Variants in RGS17 observed in about 807,000 individuals in gnomAD.
The protein encoded by RGS17 is regulator of G protein signaling 17.
Under a neutral mutation model 25.5 loss-of-function variants are expected in RGS17, and 12 were observed. That is an observed-to-expected ratio of 0.47 (90% CI 0.30 to 0.76). The LOEUF is 0.76. Ranked by LOEUF, RGS17 falls within the 30% of genes least tolerant of loss-of-function variation. RGS17 has a pLI of 0.07. For missense variants in RGS17, 196 were observed against 242.2 expected, an observed-to-expected ratio of 0.81 and a Z score of 1.27; for synonymous variants, 71 against 76.9, an observed-to-expected ratio of 0.92 and a Z score of 0.40.
At chr6:153,067,793 G>T (rs1776731275) in intron 1 of RGS17, among the ~76,000 whole-genome samples, 1 of 152,128 alleles carries the variant, frequency 6.6e-6, no homozygotes. Context: ...ATTTCTCAGA[G>T]AAATAGTAAA....
chr6:153,011,352 T>C lies in RGS17; in HGVS notation c.*222A>G. The C allele has an allele frequency of 1.9e-6, 1 of 521,274 alleles. No homozygotes were observed. The highest frequency in any genetic ancestry group is 3.4e-6 in the Non-Finnish European group (1 of 295,688). The allele number at this position is 521,274 out of a possible 1,614,324, so 32.3% of individuals were successfully genotyped here. A position where few individuals can be genotyped will look rare whatever the true frequency, so the allele number is the denominator to read the frequency against. On this transcript the variant is annotated 3_prime_UTR_variant, in exon 5 of 5. Coordinates refer to ENST00000206262, the MANE Select transcript of RGS17 (RefSeq NM_012419.5). ...GCTTGCAAGTAGAATGAGTCTTGAA[T>C]AAAACAAACAATTTGGCAATTCATT... is the stretch of plus-strand genomic sequence containing the variant.
rs528458620 is a variant in RGS17 at position 153,110,793 on chromosome 6, G to A, written c.-26+20331C>T. ...GGGTGCAGCCCACAGAGGGCGAGCCGAAGCAGGATAGGGCATCGTCTCACC... is the reference window on the plus strand; with the variant it reads ...GGGTGCAGCCCACAGAGGGCGAGCCAAAGCAGGATAGGGCATCGTCTCACC... On this transcript the variant is annotated intron_variant, in intron 1 of 4. Transcript: ENST00000206262. Among the ~76,000 whole-genome samples, 29 of 152,320 alleles carry A rather than the reference G, an allele frequency of 1.9e-4. No individual in the cohort carries two copies. The South Asian group carries it at 5.0e-3, about 26-fold the overall frequency.
chr6:153,085,997 T>C (rs563233915), intron 1 of RGS17, among the ~76,000 whole-genome samples: 1 of 152,320 alleles, frequency 6.6e-6, no homozygotes, highest in Admixed American at 6.5e-5. Context: ...GGATCATATT[T>C]ATCTGTGTAT....
intron 1 of RGS17, among the ~76,000 whole-genome samples, chr6:153,121,667 G>A (rs1337667636): frequency 6.6e-6 from 1 of 152,072 alleles, no homozygotes; most frequent in East Asian, 1.9e-4. Context: ...CTGTTATTTT[G>A]AAACAAGACA....
chr6:153,110,736 C>A (rs1398679637), intron 1 of RGS17, among the ~76,000 whole-genome samples: 1 of 152,220 alleles, frequency 6.6e-6, no homozygotes, highest in African/African-American at 2.4e-5. Flanking sequence ...ACTGAGGTAC[C>A]CAGCTCATCT....
intron 1 of RGS17, among the ~76,000 whole-genome samples, chr6:153,092,735 TG>T (rs1051673204): frequency 1.3e-5 from 2 of 152,236 alleles, no homozygotes; most frequent in African/African-American, 4.8e-5. Flanking sequence ...GTGAATGTTT[TG>T]GAATTATACA....
Position 153,042,064 on chromosome 6 carries a change from C to G in RGS17, c.119+1836G>C, listed in dbSNP as rs149116914. Among the ~76,000 whole-genome samples, 275 of 152,212 alleles carry G rather than the reference C, an allele frequency of 1.8e-3. 2 individuals carry two copies. The highest frequency in any genetic ancestry group is 6.4e-3 in the African/African-American group (265 of 41,526). On this transcript the variant is annotated intron_variant, in intron 2 of 4. Coordinates refer to ENST00000206262, the MANE Select transcript of RGS17 (RefSeq NM_012419.5). ...GATGGGTGAGGATAAGATTTGAACC[C>G]CGGCAGTCTGACTTCAGAACCACTA...
At chr6:153,126,281 T>C (rs1279964310) in intron 1 of RGS17, among the ~76,000 whole-genome samples, 1 of 152,166 alleles carries the variant, frequency 6.6e-6, no homozygotes, top group Non-Finnish European at 1.5e-5. Flanking sequence ...TCCACGACTA[T>C]CTGGGAACTC....
intron 1 of RGS17, among the ~76,000 whole-genome samples, chr6:153,112,822 T>C (rs530911447): frequency 6.6e-6 from 1 of 152,240 alleles, no homozygotes; most frequent in East Asian, 1.9e-4. Flanking sequence ...CCAGCAAAAC[T>C]AAGCTTCATA....
intron 1 of RGS17, among the ~76,000 whole-genome samples, chr6:153,079,188 C>T (rs1776933029): frequency 6.6e-6 from 1 of 152,068 alleles, no homozygotes; most frequent in Non-Finnish European, 1.5e-5. Context: ...AGCAATTCTC[C>T]TGCCTCAGCC....
intron 4 of RGS17, among the ~76,000 whole-genome samples, chr6:153,017,048 T>C (rs1773762991): frequency 6.6e-6 from 1 of 152,230 alleles, no homozygotes; most frequent in African/African-American, 2.4e-5. Flanking sequence ...GGGCAATGCA[T>C]GTCTCCTCTT....
At chr6:153,024,786 A>G (rs1562314200) in intron 3 of RGS17, among the ~76,000 whole-genome samples, 1 of 152,196 alleles carries the variant, frequency 6.6e-6, no homozygotes, top group Non-Finnish European at 1.5e-5. Context: ...TACATTCCTA[A>G]TGAAGCTTGG....
chr6:153,067,812 T>C (rs1776731568), intron 1 of RGS17, among the ~76,000 whole-genome samples: 1 of 152,164 alleles, frequency 6.6e-6, no homozygotes, highest in Non-Finnish European at 1.5e-5. Context: ...AAAGCTATCT[T>C]AAAATTTATA....
chr6:153,096,454 T>G (rs970699946), intron 1 of RGS17, among the ~76,000 whole-genome samples: 2 of 152,224 alleles, frequency 1.3e-5, no homozygotes, highest in Non-Finnish European at 2.9e-5. Context: ...TAAGCATTAG[T>G]GGCTGCAGAT....
intron 2 of RGS17, among the ~76,000 whole-genome samples, chr6:153,031,884 T>C (rs1345490724): frequency 6.6e-6 from 1 of 152,096 alleles, no homozygotes; most frequent in African/African-American, 2.4e-5. Flanking sequence ...GAATTTGAGA[T>C]GAACAAAAAG....
At chr6:153,075,740 T>C (rs9397585) in intron 1 of RGS17, among the ~76,000 whole-genome samples, 63,709 of 151,936 alleles carry the variant, frequency 0.42, 13,845 homozygotes, top group East Asian at 0.7. Context: ...TAAACTGATA[T>C]CGAGTAATTT....
intron 1 of RGS17, among the ~76,000 whole-genome samples, chr6:153,062,380 G>A (rs1776651627): frequency 6.6e-6 from 1 of 152,244 alleles, no homozygotes; most frequent in Middle Eastern, 3.4e-3. Context: ...TACTGTTAGA[G>A]AAGAAGGGAA....
In RGS17 at chr6:153,077,866, C is replaced by T. The variant is rs145313743; in HGVS notation, c.-25-33823G>A. Among the ~76,000 whole-genome samples the T allele has an allele frequency of 6.5e-3, 906 of 139,372 alleles. 13 individuals carry two copies. Among genetic ancestry groups the T allele is most frequent in the African/African-American group, 0.023 (866 of 37,480 alleles). The allele number at this position is 139,372 out of a possible 152,430, so 91.4% of individuals were successfully genotyped here. A position where few individuals can be genotyped will look rare whatever the true frequency, so the allele number is the denominator to read the frequency against. On this transcript the variant is annotated intron_variant, in intron 1 of 4. Coordinates refer to ENST00000206262, the MANE Select transcript of RGS17 (RefSeq NM_012419.5). ...GTCTCTAATGTGAGCAAATGACTTA[C>T]AGTATCTTTTTTATTTTTTTTTTTT... is the stretch of plus-strand genomic sequence containing the variant.
At chr6:153,035,108 C>G (rs1025656529) in intron 2 of RGS17, among the ~76,000 whole-genome samples, 5 of 151,270 alleles carry the variant, frequency 3.3e-5, no homozygotes, top group African/African-American at 9.7e-5. Context: ...GGGCCAAGAT[C>G]GCACCACTGC....
Sources: allele counts gnomAD v4.1 joint callset (sites outside exome capture counted in the v4.1 genomes callset), GRCh38; gene constraint gnomAD v4.1.1; transcripts MANE v1.5; gene names NCBI Gene and HGNC (gene_info 2026-07-23, HGNC 2026-07-21).